C1QB: variants seen among roughly 807,000 people sequenced by gnomAD.
The protein encoded by C1QB is complement C1q subcomponent subunit B.
Under a neutral mutation model 4.6 loss-of-function variants are expected in C1QB, and 2 were observed. That is an observed-to-expected ratio of 0.43 (90% CI 0.18 to 1.36). The LOEUF (loss-of-function observed/expected upper bound fraction) is 1.36, where lower values mean the gene tolerates loss of function less well. Among genes scored for constraint, C1QB ranks in the 40% most tolerant of loss-of-function variants. C1QB has a pLI of 0.28. For missense variants in C1QB, 292 were observed against 338.0 expected (o/e 0.86, Z 1.07); for synonymous variants, 132 against 137.1 (o/e 0.96, Z 0.26).
At chr1:22,660,077 C>T (rs556760607) in intron 2 of C1QB, among the ~76,000 whole-genome samples, 2 of 152,298 alleles carry the variant, frequency 1.3e-5, no homozygotes, top group South Asian at 2.1e-4. Context: ...GCCTTGAAAA[C>T]CCCTCTGTAA....
At chr1:22,659,037 AGATGGATGGATGGATGGATG>A (rs3066574) in intron 1 of C1QB, among the ~76,000 whole-genome samples, 2 of 112,126 alleles carry the variant, frequency 1.8e-5, no homozygotes. Flanking sequence ...ATAGAGAGAC[AGATGGATGGATGGATGGATG>A]GATGGATGGA....
At chr1:22,656,410 G>C (rs59587823) in intron 1 of C1QB, among the ~76,000 whole-genome samples, 2 of 152,200 alleles carry the variant, frequency 1.3e-5, no homozygotes, top group African/African-American at 4.8e-5. Flanking sequence ...GAGATGGTGC[G>C]TGCCTGTAAT....
chr1:22,661,053 C>A lies in C1QB; in HGVS notation c.423C>A (p.Asp141Glu), dbSNP rs1246908441. ...GCCGGGACCAGACCATCCGCTTCGA[C>A]CACGTGATCACCAACATGAACAACA... is the stretch of plus-strand genomic sequence containing the variant. Reference protein sequence around the residue: ...PLRRDQTIRFDHVITNMNNNY... With the variant: ...PLRRDQTIRFEHVITNMNNNY... Residue 141 changes from aspartate (D) to glutamate (E), a missense_variant, in exon 3 of 3, where the codon GAC becomes GAA. By Grantham distance (45) the Asp-to-Glu change is conservative (BLOSUM62 2). Transcript: ENST00000509305. 6.2e-7 allele frequency: 1 copy of A among 1,613,994 alleles called. No homozygotes were observed. The highest frequency in any genetic ancestry group is 1.3e-5 in the African/African-American group (1 of 74,908).
At chr1:22,658,757 TGGACAGAG>T (rs1239776474) in intron 1 of C1QB, among the ~76,000 whole-genome samples, 2 of 149,220 alleles carry the variant, frequency 1.3e-5, no homozygotes, top group African/African-American at 2.5e-5. Context: ...GATGGATAGA[TGGACAGAG>T]GGATGGAGGG....
chr1:22,660,976 G>A lies in C1QB; in HGVS notation c.346G>A (p.Ala116Thr), dbSNP rs778046227. Residue 116 changes from alanine to threonine, a missense_variant, in exon 3 of 3, where the codon GCC (alanine) becomes ACC (threonine). Ala to Thr is a moderately conservative substitution (Grantham distance 58, BLOSUM62 0). Transcript: ENST00000509305. Reference sequence around the variant, plus strand: ...CAAAGGTGAATCGGGAGACTACAAGGCCACCCAGAAAATCGCCTTCTCTGC... The same window carrying A: ...CAAAGGTGAATCGGGAGACTACAAGACCACCCAGAAAATCGCCTTCTCTGC... ...GPKGESGDYK[A>T]TQKIAFSATR... 5 of 1,613,800 alleles carry A rather than the reference G, an allele frequency of 3.1e-6. No homozygotes were observed. Among genetic ancestry groups the A allele is most frequent in the Non-Finnish European group, 1.7e-6 (2 of 1,179,938 alleles).
chr1:22,656,550 T>C lies in C1QB; in HGVS notation c.-23-2890T>C, dbSNP rs186358290. ...CCAAAACCAAATTGTAGTGTGTAAG[T>C]GGAAGGTCTGTAAGTGGAAAGACAC... On this transcript the variant is annotated intron_variant, in intron 1 of 2. Transcript: ENST00000509305. Among the ~76,000 whole-genome samples the C allele has an allele frequency of 2.6e-5, 4 of 152,208 alleles. 1 individual carries two copies. The highest frequency in any genetic ancestry group is 2.0e-4 in the Admixed American group (3 of 15,292).
intron 1 of C1QB, among the ~76,000 whole-genome samples, chr1:22,659,170 AGATG>A (rs780260589): frequency 9.8e-4 from 127 of 129,870 alleles, no homozygotes; most frequent in African/African-American, 2.0e-3. Context: ...AGGGATAGAG[AGATG>A]GATGGATGGA....
rs631090 is a variant in C1QB at position 22,659,910 on chromosome 1, T to C, written c.181+267T>C. Among the ~76,000 whole-genome samples the C allele has an allele frequency of 0.19, 29,424 of 152,088 alleles. 4,987 individuals carry two copies. Among genetic ancestry groups the C allele is most frequent in the African/African-American group, 0.45 (18,850 of 41,448 alleles). On this transcript the variant is annotated intron_variant, in intron 2 of 2. Coordinates refer to ENST00000509305, the MANE Select transcript of C1QB (RefSeq NM_001378156.1). ...AGACCACGGATCTCTTACCATTAAA[T>C]TCAGGTGGAGAGGGAGTGCCGCTGT... is the stretch of plus-strand genomic sequence containing the variant.
At chr1:22,656,974 G>A (rs1642539559) in intron 1 of C1QB, among the ~76,000 whole-genome samples, 1 of 152,284 alleles carries the variant, frequency 6.6e-6, no homozygotes, top group South Asian at 2.1e-4. Context: ...GGGAAGAGGC[G>A]TGCCACTGTC....
chr1:22,655,994 T>C (rs914838215), intron 1 of C1QB, among the ~76,000 whole-genome samples: 1 of 152,176 alleles, frequency 6.6e-6, no homozygotes, highest in Non-Finnish European at 1.5e-5. Context: ...AAACTATGGA[T>C]GGAAGAGCCC....
chr1:22,660,931 G>T lies in C1QB; in HGVS notation c.301G>T (p.Ala101Ser). Residue 101 changes from alanine (A) to serine (S), a missense_variant, in exon 3 of 3, where the codon GCC becomes TCC. Ala to Ser is a moderately conservative substitution (Grantham distance 99). Coordinates refer to ENST00000509305, the MANE Select transcript of C1QB (RefSeq NM_001378156.1). ...GPMGPKGGPGAPGAPGPKGES... is the reference protein window; with the variant it reads ...GPMGPKGGPGSPGAPGPKGES... ...CATGGGCCCTAAAGGTGGCCCAGGGGCCCCTGGAGCCCCAGGCCCCAAAGG... is the reference window on the plus strand; with the variant it reads ...CATGGGCCCTAAAGGTGGCCCAGGGTCCCCTGGAGCCCCAGGCCCCAAAGG... 1 of 1,613,480 alleles carries T rather than the reference G, an allele frequency of 6.2e-7. No individual in the cohort carries two copies. Among genetic ancestry groups the T allele is most frequent in the Middle Eastern group, 1.7e-4 (1 of 6,058 alleles).
chr1:22,658,297 C>T lies in C1QB; in HGVS notation c.-23-1143C>T, dbSNP rs77591413. ...AACCTCTGTCCTGCCTCTGGGCCTT[C>T]TCCATATTCTCTGTCCTCCTGGAAC... On this transcript the variant is annotated intron_variant, in intron 1 of 2. Coordinates refer to ENST00000509305, the MANE Select transcript of C1QB (RefSeq NM_001378156.1). 8.5e-5 allele frequency among the ~76,000 whole-genome samples: 13 copies of T among 152,328 alleles called. No individual in the cohort carries two copies. The East Asian group carries it at 2.3e-3, about 27-fold the overall frequency.
At chr1:22,658,791 G>C (rs1642565799) in intron 1 of C1QB, among the ~76,000 whole-genome samples, 1 of 151,642 alleles carries the variant, frequency 6.6e-6, no homozygotes, top group Non-Finnish European at 1.5e-5. Flanking sequence ...GGGGCAGAAG[G>C]ATGGATGGAT....
chr1:22,656,467 A>C (rs899319242), intron 1 of C1QB, among the ~76,000 whole-genome samples: 99 of 152,274 alleles, frequency 6.5e-4, no homozygotes, highest in African/African-American at 2.3e-3. Context: ...TGAGCTCCAG[A>C]GTTCGAGACC....
At chr1:22,657,983 G>T (rs1019133046) in intron 1 of C1QB, among the ~76,000 whole-genome samples, 1 of 152,072 alleles carries the variant, frequency 6.6e-6, no homozygotes, top group Admixed American at 6.5e-5. Context: ...CAGGGACATC[G>T]GCTTCATTCC....
chr1:22,657,684 T>C (rs1456292939), intron 1 of C1QB, among the ~76,000 whole-genome samples: 1 of 152,230 alleles, frequency 6.6e-6, no homozygotes, highest in African/African-American at 2.4e-5. Flanking sequence ...TGCACAAGAC[T>C]GTGAATGTAT....
At chr1:22,654,245 G>A (rs906281962) in intron 1 of C1QB, 4 of 152,272 alleles carry the variant, frequency 2.6e-5, no homozygotes, top group African/African-American at 4.8e-5. Flanking sequence ...AACCAGATGA[G>A]TTGTAAGCCC....
In C1QB at chr1:22,661,022, C is replaced by T. The variant is rs1474368601; in HGVS notation, c.392C>T (p.Pro131Leu). Reference protein sequence around the residue: ...AFSATRTINVPLRRDQTIRFD... With the variant: ...AFSATRTINVLLRRDQTIRFD... ...TCTGCCACAAGAACCATCAACGTCC[C>T]CCTGCGCCGGGACCAGACCATCCGC... is the stretch of plus-strand genomic sequence containing the variant. The change falls in exon 3 of 3, where the codon CCC becomes CTC. Residue 131 changes from proline (P) to leucine (L), a missense_variant. By Grantham distance (98) the Pro-to-Leu change is moderately conservative. Coordinates refer to ENST00000509305, the MANE Select transcript of C1QB (RefSeq NM_001378156.1). 3.1e-6 allele frequency: 5 copies of T among 1,613,934 alleles called. No homozygotes were observed. The African/African-American group carries it at 4.0e-5, about 13-fold the overall frequency.
intron 1 of C1QB, among the ~76,000 whole-genome samples, 197 bp from the exon 2 acceptor site, chr1:22,659,243 G>A (rs1642580051): frequency 6.7e-6 from 1 of 149,246 alleles, no homozygotes; most frequent in African/African-American, 2.5e-5. Context: ...GGGATGGAGG[G>A]ATAGAGAGAT....
Sources: gnomAD v4.1 joint callset for allele counts (sites outside exome capture counted in the v4.1 genomes callset) on GRCh38, gnomAD v4.1.1 for gene constraint, MANE v1.5 for transcripts, NCBI Gene and HGNC (gene_info 2026-07-23, HGNC 2026-07-21) for gene names.